PTPRM: variants seen among roughly 807,000 people sequenced by gnomAD.
PTPRM encodes receptor-type tyrosine-protein phosphatase mu.
A neutral mutation model predicts 186.7 loss-of-function variants in PTPRM; 47 were observed. The ratio of observed to expected loss-of-function variants is 0.25; its 90% CI spans 0.20 to 0.32. The LOEUF (loss-of-function observed/expected upper bound fraction) is 0.32, where lower values mean the gene tolerates loss of function less well. Ranked by LOEUF, PTPRM falls within the 10% of genes least tolerant of loss-of-function variation. The probability of loss-of-function intolerance (pLI) is 1.00; values close to 1 mark genes in which losing one functional copy is unlikely to be tolerated. For missense variants in PTPRM, 1,494 were observed against 1,865.0 expected (o/e 0.80, Z 3.66); for synonymous variants, 668 against 674.9 (o/e 0.99, Z 0.16).
At chr18:8,113,856 C>T in intron 12 of PTPRM, 97 bp downstream of exon 12, 1 of 1,203,700 alleles carries the variant, frequency 8.3e-7, no homozygotes, top group Non-Finnish European at 1.1e-6. Flanking sequence ...TCATGCTTTT[C>T]TGCATTTCTA....
intron 2 of PTPRM, among the ~76,000 whole-genome samples, chr18:7,862,028 G>A (rs1397911982): frequency 3.9e-5 from 6 of 152,274 alleles, no homozygotes; most frequent in African/African-American, 1.4e-4. Flanking sequence ...AAAGACATGA[G>A]CATTTAGAAC....
At chr18:7,656,850 A>G (rs970864131) in intron 1 of PTPRM, among the ~76,000 whole-genome samples, 6 of 152,020 alleles carry the variant, frequency 3.9e-5, no homozygotes, top group Non-Finnish European at 8.8e-5. Context: ...CCTCCTGAGA[A>G]CAGGTAGCCA....
At chr18:8,021,763 G>C (rs1892037475) in intron 7 of PTPRM, among the ~76,000 whole-genome samples, 1 of 151,942 alleles carries the variant, frequency 6.6e-6, no homozygotes, top group Non-Finnish European at 1.5e-5. Context: ...AGTCTATTTT[G>C]GTGGAGATGG....
chr18:8,341,426 C>T (rs1378649623), intron 22 of PTPRM, among the ~76,000 whole-genome samples: 1 of 152,188 alleles, frequency 6.6e-6, no homozygotes. Flanking sequence ...AGGGGTCTTA[C>T]ACCGAGCAAT....
chr18:7,877,274 A>G (rs1256137673), intron 2 of PTPRM, among the ~76,000 whole-genome samples: 5 of 152,200 alleles, frequency 3.3e-5, no homozygotes, highest in Non-Finnish European at 7.3e-5. Context: ...CGTTGCACCT[A>G]GAATGATTAT....
chr18:8,401,388 T>C (rs572081246), intron 32 of PTPRM, among the ~76,000 whole-genome samples: 4 of 152,204 alleles, frequency 2.6e-5, no homozygotes, highest in African/African-American at 9.6e-5. Context: ...TGAGAATTTA[T>C]TGGTCTCCTT....
At chr18:7,608,809 C>T (rs967777127) in intron 1 of PTPRM, among the ~76,000 whole-genome samples, 1 of 152,186 alleles carries the variant, frequency 6.6e-6, no homozygotes, top group Non-Finnish European at 1.5e-5. Context: ...TGCTCTGAAA[C>T]AGCCTGGAGA....
chr18:7,850,893 A>G (rs1164140413), intron 2 of PTPRM, among the ~76,000 whole-genome samples: 1 of 152,222 alleles, frequency 6.6e-6, no homozygotes, highest in Admixed American at 6.5e-5. Flanking sequence ...AAGTATACAA[A>G]TAGGAACTCT....
At chr18:7,757,648 G>A (rs1036840334) in intron 1 of PTPRM, among the ~76,000 whole-genome samples, 7 of 152,188 alleles carry the variant, frequency 4.6e-5, no homozygotes, top group African/African-American at 7.2e-5. Context: ...AATCTCGTAC[G>A]TAGGAGAATT....
intron 11 of PTPRM, among the ~76,000 whole-genome samples, chr18:8,092,656 A>T (rs1250295478): frequency 6.6e-6 from 1 of 152,074 alleles, no homozygotes; most frequent in Non-Finnish European, 1.5e-5. Flanking sequence ...AAAGCAGGGC[A>T]CCTCAAATGT....
intron 19 of PTPRM, among the ~76,000 whole-genome samples, chr18:8,293,549 G>T (rs114044526): frequency 6.6e-6 from 1 of 152,262 alleles, no homozygotes; most frequent in Non-Finnish European, 1.5e-5. Context: ...CAAAATCTGA[G>T]AACTTTTTAG....
intron 1 of PTPRM, among the ~76,000 whole-genome samples, chr18:7,677,894 A>G (rs1271938367): frequency 4.6e-5 from 7 of 151,834 alleles, no homozygotes; most frequent in African/African-American, 1.7e-4. Flanking sequence ...CACCTATCCT[A>G]TTAGATATCT....
intron 14 of PTPRM, among the ~76,000 whole-genome samples, chr18:8,210,846 A>T (rs2093993858): frequency 6.6e-6 from 1 of 152,248 alleles, no homozygotes; most frequent in African/African-American, 2.4e-5. Flanking sequence ...AGGCATTGCC[A>T]GTGGTGTAGA....
At chr18:8,278,178 A>G (rs534555886) in intron 19 of PTPRM, among the ~76,000 whole-genome samples, 3 of 152,374 alleles carry the variant, frequency 2.0e-5, no homozygotes, top group East Asian at 3.9e-4. Context: ...CATGCCTGGC[A>G]TCTTTGTAAA....
chr18:7,574,727 TAGAA>T (rs1295949147), intron 1 of PTPRM, among the ~76,000 whole-genome samples: 4 of 152,314 alleles, frequency 2.6e-5, no homozygotes, highest in Admixed American at 6.5e-5. Flanking sequence ...AAATTCCAAA[TAGAA>T]AGAAAATAAA....
chr18:7,791,177 C>T (rs955398840), intron 2 of PTPRM, among the ~76,000 whole-genome samples: 2 of 152,068 alleles, frequency 1.3e-5, no homozygotes, highest in African/African-American at 2.4e-5. Flanking sequence ...ATATGTCTAT[C>T]GACTTACTGA....
chr18:7,599,893 G>T (rs1348241577), intron 1 of PTPRM, among the ~76,000 whole-genome samples: 2 of 152,106 alleles, frequency 1.3e-5, no homozygotes, highest in Non-Finnish European at 2.9e-5. Flanking sequence ...TTTTGCTTAG[G>T]TGCTGGGTGG....
intron 14 of PTPRM, among the ~76,000 whole-genome samples, chr18:8,243,164 TG>T (rs1197922337): frequency 6.6e-6 from 1 of 152,208 alleles, no homozygotes; most frequent in African/African-American, 2.4e-5. Context: ...TTCTGGCTTT[TG>T]TACAGGTGTC....
chr18:8,099,151 C>CTT lies in PTPRM; in HGVS notation c.1856+10301_1856+10302insTT, dbSNP rs2091165088. Among the ~76,000 whole-genome samples, 2 of 151,558 alleles carry CTT rather than the reference C, an allele frequency of 1.3e-5. 1 individual carries two copies. The highest frequency in any genetic ancestry group is 4.2e-4 in the South Asian group (2 of 4,728). ...CTCCACAGTCTCTTTCTCTCTCTCT[C>CTT]TCTCTCTTTCTCTCTCTCTTTCTCT... On this transcript the variant is annotated intron_variant, in intron 11 of 32. Transcript: ENST00000580170.
Sources: gnomAD v4.1 joint callset for allele counts (sites outside exome capture counted in the v4.1 genomes callset) on GRCh38, gnomAD v4.1.1 for gene constraint, MANE v1.5 for transcripts, NCBI Gene and HGNC (gene_info 2026-07-23, HGNC 2026-07-21) for gene names.